The following NR3C2 variants were observed in gnomAD, a reference collection of about 807,000 sequenced individuals.
NR3C2 encodes nuclear receptor subfamily 3 group C member 2.
NR3C2 carries 15 observed loss-of-function variants against 86.4 expected under a neutral mutation model. The ratio of observed to expected loss-of-function variants is 0.17; its 90% CI spans 0.12 to 0.27. The LOEUF (loss-of-function observed/expected upper bound fraction) is 0.27, where lower values mean the gene tolerates loss of function less well. Ranked by LOEUF, NR3C2 falls within the 10% of genes least tolerant of loss-of-function variation. The pLI, the probability that NR3C2 is intolerant of heterozygous loss-of-function variation, is 1.00. For synonymous variants in NR3C2, 458 were observed against 450.5 expected (o/e 1.02, Z -0.21); for missense variants, 960 against 1,195.6 (o/e 0.80, Z 2.91).
intron 3 of NR3C2, among the ~76,000 whole-genome samples, chr4:148,220,548 G>A (rs1393327369): frequency 6.6e-6 from 1 of 152,224 alleles, no homozygotes. Context: ...GCTCGTGCCT[G>A]TAATCCCAGC....
At chr4:148,092,163 C>T (rs1731089005) in intron 8 of NR3C2, among the ~76,000 whole-genome samples, 1 of 152,208 alleles carries the variant, frequency 6.6e-6, no homozygotes, top group Non-Finnish European at 1.5e-5. Flanking sequence ...TCTTTCTCTG[C>T]AGTCACCTCT....
intron 2 of NR3C2, among the ~76,000 whole-genome samples, chr4:148,430,605 C>T (rs1749754910): frequency 1.3e-5 from 2 of 152,020 alleles, no homozygotes; most frequent in Non-Finnish European, 2.9e-5. Flanking sequence ...AAGAAAGTTA[C>T]ATGTTTTCAT....
chr4:148,235,209 A>C (rs1249550116), intron 3 of NR3C2, among the ~76,000 whole-genome samples: 1 of 151,276 alleles, frequency 6.6e-6, no homozygotes. Context: ...ATACTAAGGA[A>C]ATTTTTGAGG....
intron 2 of NR3C2, among the ~76,000 whole-genome samples, chr4:148,323,355 A>C (rs1331166712): frequency 6.7e-6 from 1 of 148,998 alleles, no homozygotes; most frequent in Non-Finnish European, 1.5e-5. Context: ...CTGCCCCCAG[A>C]GGTGGAGCCT....
intron 2 of NR3C2, among the ~76,000 whole-genome samples, chr4:148,355,991 C>T (rs1388661434): frequency 6.6e-6 from 1 of 152,116 alleles, no homozygotes; most frequent in Non-Finnish European, 1.5e-5. Context: ...CAGTCATGTG[C>T]ATGAAGTTCT....
chr4:148,279,992 T>G (rs536285008), intron 2 of NR3C2, among the ~76,000 whole-genome samples: 2 of 152,316 alleles, frequency 1.3e-5, no homozygotes, highest in East Asian at 3.9e-4. Context: ...CCCAAAGTAC[T>G]GGGATTACAG....
chr4:148,081,256 A>AC lies in NR3C2; in HGVS notation c.*87dup, dbSNP rs761195248. 94 of 1,516,988 alleles carry AC rather than the reference A, an allele frequency of 6.2e-5. No individual in the cohort carries two copies. Among genetic ancestry groups the AC allele is most frequent in the Non-Finnish European group, 7.4e-5 (81 of 1,094,578 alleles). 94.0% of individuals were successfully genotyped at this position (1,516,988 alleles called of 1,614,324 possible). ...GTTGAACAAGTGTGAATCAACCATC[A>AC]CATGTTAAAAACAGGTTTTCTTGGG... On this transcript the variant is annotated 3_prime_UTR_variant, in exon 9 of 9. Transcript: ENST00000358102.
chr4:148,342,912 T>C (rs1357543014), intron 2 of NR3C2, among the ~76,000 whole-genome samples: 1 of 152,162 alleles, frequency 6.6e-6, no homozygotes, highest in Non-Finnish European at 1.5e-5. Context: ...GTGCCTGGAA[T>C]GACTCCATTA....
At chr4:148,133,933 A>G (rs1280243722) in intron 6 of NR3C2, among the ~76,000 whole-genome samples, 2 of 152,238 alleles carry the variant, frequency 1.3e-5, no homozygotes, top group Admixed American at 6.5e-5. Context: ...CTTGCTTTCT[A>G]TCTTCTTACT....
chr4:148,301,544 T>C (rs567789254), intron 2 of NR3C2, among the ~76,000 whole-genome samples: 1 of 152,340 alleles, frequency 6.6e-6, no homozygotes, highest in Non-Finnish European at 1.5e-5. Flanking sequence ...TTATATGGCT[T>C]TTCGATAAAT....
At chr4:148,401,436 C>G (rs1305503898) in intron 2 of NR3C2, among the ~76,000 whole-genome samples, 1 of 148,502 alleles carries the variant, frequency 6.7e-6, no homozygotes, top group South Asian at 2.2e-4. Context: ...CAGGAGCTTA[C>G]TAAAGACTTC....
At chr4:148,269,680 A>G (rs1292852631) in intron 2 of NR3C2, among the ~76,000 whole-genome samples, 1 of 152,172 alleles carries the variant, frequency 6.6e-6, no homozygotes, top group Non-Finnish European at 1.5e-5. Flanking sequence ...AAACAAAAAA[A>G]ACACCTGTGA....
Position 148,436,709 on chromosome 4 carries a change from A to C in NR3C2, c.152T>G (p.Val51Gly), listed in dbSNP as rs756908804. 6.2e-7 allele frequency: 1 copy of C among 1,614,154 alleles called. No individual in the cohort carries two copies. The highest frequency in any genetic ancestry group is 8.5e-7 in the Non-Finnish European group (1 of 1,180,024). The change falls in exon 2 of 9, where the codon GTT becomes GGT. Residue 51 changes from valine to glycine, a missense_variant. Val to Gly is a moderately radical substitution (Grantham distance 109). Coordinates refer to ENST00000358102, the MANE Select transcript of NR3C2 (RefSeq NM_000901.5). ...ACTGTTGTTTGGAATAGCACCGGAAACACAGCTTACGTTGACAATCTCCAT... is the reference window on the plus strand; with the variant it reads ...ACTGTTGTTTGGAATAGCACCGGAACCACAGCTTACGTTGACAATCTCCAT... ...NYMEIVNVSC[V>G]SGAIPNNSTQ...
At chr4:148,081,548 C>G (rs1730560913) in intron 8 of NR3C2, 49 bp from the exon 9 acceptor site, 1 of 1,612,216 alleles carries the variant, frequency 6.2e-7, no homozygotes, top group African/African-American at 1.3e-5. Flanking sequence ...CTTTCCGACC[C>G]TGGATCCCTC....
chr4:148,404,575 T>C (rs1385259559), intron 2 of NR3C2, among the ~76,000 whole-genome samples: 2 of 152,142 alleles, frequency 1.3e-5, no homozygotes, highest in Admixed American at 1.3e-4. Context: ...TAATGCTCTG[T>C]TAATTTCAAG....
intron 2 of NR3C2, among the ~76,000 whole-genome samples, chr4:148,432,883 C>T (rs1462407463): frequency 1.3e-5 from 2 of 152,012 alleles, no homozygotes; most frequent in African/African-American, 4.8e-5. Context: ...ATAGTATTCA[C>T]CAAGAAAAGC....
chr4:148,436,095 T>C lies in NR3C2; in HGVS notation c.766A>G (p.Asn256Asp), dbSNP rs1750050691. 1.9e-6 allele frequency: 3 copies of C among 1,614,096 alleles called. No individual in the cohort carries two copies. ...GGACTTGAGAGAGGAGAGCCCACATTGCTAGCATGTGCAGGGCTGTGCGAC... is the reference window on the plus strand; with the variant it reads ...GGACTTGAGAGAGGAGAGCCCACATCGCTAGCATGTGCAGGGCTGTGCGAC... ...SRSHSPAHASNVGSPLSSPLS... is the reference protein window; with the variant it reads ...SRSHSPAHASDVGSPLSSPLS... Residue 256 changes from asparagine (N) to aspartate (D), a missense_variant, in exon 2 of 9, where the codon AAT (asparagine) becomes GAT (aspartate). By Grantham distance (23) the Asn-to-Asp change is conservative. This residue lies in a region of NR3C2 where 680 missense variants were observed against 719.0 expected (regional missense o/e 0.95). Transcript: ENST00000358102.
chr4:148,160,603 GA>G (rs1021115694), intron 4 of NR3C2, among the ~76,000 whole-genome samples: 1 of 151,932 alleles, frequency 6.6e-6, no homozygotes, highest in Non-Finnish European at 1.5e-5. Flanking sequence ...TATTTCATTA[GA>G]AAAAAATAAA....
At chr4:148,179,848 T>C (rs759235711) in intron 4 of NR3C2, among the ~76,000 whole-genome samples, 1 of 151,866 alleles carries the variant, frequency 6.6e-6, no homozygotes, top group Non-Finnish European at 1.5e-5. Context: ...TATATTACTA[T>C]GACAATTAAT....
Sources: allele counts gnomAD v4.1 joint callset (sites outside exome capture counted in the v4.1 genomes callset), GRCh38; gene constraint gnomAD v4.1.1; regional missense constraint gnomAD v4.1.1; transcripts MANE v1.5; gene names NCBI Gene and HGNC (gene_info 2026-07-23, HGNC 2026-07-21).